Variants in ATP8B1 observed in about 807,000 individuals in gnomAD.
ATP8B1 encodes ATPase phospholipid transporting 8B1, also known as phospholipid-transporting ATPase IC.
A neutral mutation model predicts 149.9 loss-of-function variants in ATP8B1; 80 were observed. That is an observed-to-expected ratio of 0.53 (90% confidence interval 0.45 to 0.64). ATP8B1 has a LOEUF of 0.64. Ranked by LOEUF, ATP8B1 falls within the 30% of genes least tolerant of loss-of-function variation. The pLI, the probability that ATP8B1 is intolerant of heterozygous loss-of-function variation, is 0.00. For synonymous variants in ATP8B1, 536 were observed against 562.8 expected (o/e 0.95, Z 0.67); for missense variants, 1,247 against 1,552.6 (o/e 0.80, Z 3.31).
intron 27 of ATP8B1, among the ~76,000 whole-genome samples, 170 bp from the exon 28 acceptor site, chr18:57,648,882 G>GTGCGTGTGTGTA (rs1909393267): frequency 7.4e-6 from 1 of 134,668 alleles, no homozygotes; most frequent in Non-Finnish European, 1.6e-5. Flanking sequence ...GTGTGTGTGT[G>GTGCGTGTGTGTA]TGTGTATGTG....
chr18:57,673,497 C>T (rs1911392602), intron 16 of ATP8B1, among the ~76,000 whole-genome samples: 1 of 151,458 alleles, frequency 6.6e-6, no homozygotes, highest in Non-Finnish European at 1.5e-5. Flanking sequence ...ATTAGGCCTG[C>T]AATTTATTCT....
intron 16 of ATP8B1, among the ~76,000 whole-genome samples, chr18:57,673,694 A>G (rs979949744): frequency 2.6e-5 from 4 of 151,840 alleles, no homozygotes; most frequent in Middle Eastern, 3.4e-3. Flanking sequence ...ATCTATATAT[A>G]GAGATATGTA....
At chr18:57,713,188 T>C (rs151217014) in intron 2 of ATP8B1, among the ~76,000 whole-genome samples, 6,530 of 96,984 alleles carry the variant, frequency 0.067, 216 homozygotes, top group East Asian at 0.21. Context: ...TCTTTCTTTC[T>C]TTCTTTCTTT....
chr18:57,660,890 T>C (rs745508349), intron 22 of ATP8B1, among the ~76,000 whole-genome samples: 1 of 152,134 alleles, frequency 6.6e-6, no homozygotes, highest in Non-Finnish European at 1.5e-5. Context: ...ACAACATCTA[T>C]ATAAAAGAAT....
rs143359012 is a variant in ATP8B1, at chr18:57,726,183, G to A, written c.181+5444C>T. ...GTTGAGGTTGCAGTGAGCCAAGATT[G>A]TGCCACTGCACTTCAGCCTGGTGAC... On this transcript the variant is annotated intron_variant, in intron 2 of 27. Transcript: ENST00000648908. Among the ~76,000 whole-genome samples the A allele has an allele frequency of 1.6e-3, 236 of 152,206 alleles. 1 individual carries two copies. The highest frequency in any genetic ancestry group is 5.5e-3 in the African/African-American group (228 of 41,538).
chr18:57,774,249 C>T (rs2080287410), intron 1 of ATP8B1, among the ~76,000 whole-genome samples: 1 of 152,228 alleles, frequency 6.6e-6, no homozygotes, highest in Admixed American at 6.5e-5. Context: ...CCAGCCTTGC[C>T]AGTCCCCCTT....
chr18:57,718,103 T>TAAAAAAAAAAAAAAAAAAAAAAAAA (rs59629558), intron 2 of ATP8B1, among the ~76,000 whole-genome samples: 1 of 31,798 alleles, frequency 3.1e-5, no homozygotes, highest in African/African-American at 1.3e-4. Context: ...CTGGACTAAC[T>TAAAAAAAAAAAAAAAAAAAAAAAAA]AAAAAAAAAA....
chr18:57,731,405 T>C, intron 2 of ATP8B1: 1 of 454,212 alleles, frequency 2.2e-6, no homozygotes, highest in South Asian at 2.2e-5. Context: ...TAATGTATTT[T>C]CTCTGCAGAA....
chr18:57,720,682 A>T lies in ATP8B1; in HGVS notation c.181+10945T>A, dbSNP rs1402449823. Among the ~76,000 whole-genome samples the T allele has an allele frequency of 7.6e-3, 804 of 105,376 alleles. 14 individuals are homozygous for T. Among genetic ancestry groups the T allele is most frequent in the African/African-American group, 0.028 (760 of 26,894 alleles). The allele number at this position is 105,376 out of a possible 152,430, so 69.1% of individuals were successfully genotyped here. A position where few individuals can be genotyped will look rare whatever the true frequency, so the allele number is the denominator to read the frequency against. On this transcript the variant is annotated intron_variant, in intron 2 of 27. Transcript: ENST00000648908. ...GTTGGAAAACACTCTGCAGGATATT[A>T]TCCAGGAGAACTTCCCCAATCTAGC...
At chr18:57,664,738 C>T (rs1910750736) in intron 20 of ATP8B1, among the ~76,000 whole-genome samples, 1 of 152,026 alleles carries the variant, frequency 6.6e-6, no homozygotes, top group Admixed American at 6.6e-5. Flanking sequence ...GTGGAAGGGA[C>T]CTTAAATATC....
At chr18:57,791,017 C>T (rs984823778) in intron 1 of ATP8B1, among the ~76,000 whole-genome samples, 3 of 152,122 alleles carry the variant, frequency 2.0e-5, no homozygotes, top group Admixed American at 6.5e-5. Flanking sequence ...CCACCGCGTC[C>T]GGCCTTATTG....
At chr18:57,771,483 G>A (rs1249309309) in intron 1 of ATP8B1, among the ~76,000 whole-genome samples, 4 of 152,122 alleles carry the variant, frequency 2.6e-5, no homozygotes, top group Admixed American at 2.6e-4. Context: ...TTACGAAATG[G>A]TCTGAGATAA....
chr18:57,678,500 T>G (rs1476616426), intron 15 of ATP8B1, among the ~76,000 whole-genome samples: 2 of 148,106 alleles, frequency 1.4e-5, no homozygotes, highest in Non-Finnish European at 3.0e-5. Flanking sequence ...GGCAGGAGAA[T>G]CGCATAAACC....
At chr18:57,657,718 G>C (rs1411420279) in intron 22 of ATP8B1, among the ~76,000 whole-genome samples, 1 of 152,148 alleles carries the variant, frequency 6.6e-6, no homozygotes, top group African/African-American at 2.4e-5. Flanking sequence ...TTTCTTTCCT[G>C]AACAAGCCAC....
In ATP8B1 at chr18:57,660,877, T is replaced by A. The variant is rs970537217; in HGVS notation, c.2707+297A>T. On this transcript the variant is annotated intron_variant, in intron 22 of 27. Coordinates refer to ENST00000648908, the MANE Select transcript of ATP8B1 (RefSeq NM_001374385.1). Reference sequence around the variant, plus strand: ...AGAGAACCAGTAAGAGAGAAAAAAATACACAACATCTATATAAAAGAATAA... The same window carrying A: ...AGAGAACCAGTAAGAGAGAAAAAAAAACACAACATCTATATAAAAGAATAA... Among the ~76,000 whole-genome samples, 4 of 152,130 alleles carry A rather than the reference T, an allele frequency of 2.6e-5. No homozygotes were observed. The East Asian group carries it at 5.8e-4, about 22-fold the overall frequency.
rs117569865 is a variant in ATP8B1 at position 57,671,041 on chromosome 18, C to T, written c.1932+427G>A. ...AACCGCTTCTGCCATCTTGGCTAGA[C>T]AAGATGTGACCTATAGTCAGCTCTG... On this transcript the variant is annotated intron_variant, in intron 17 of 27. Coordinates refer to ENST00000648908, the MANE Select transcript of ATP8B1 (RefSeq NM_001374385.1). Among the ~76,000 whole-genome samples, 325 of 152,342 alleles carry T rather than the reference C, an allele frequency of 2.1e-3. 10 individuals carry two copies. In the East Asian group the frequency reaches 0.048, roughly 23 times the overall value.
intron 1 of ATP8B1, among the ~76,000 whole-genome samples, chr18:57,778,515 C>A (rs925313220): frequency 6.6e-6 from 1 of 152,174 alleles, no homozygotes; most frequent in African/African-American, 2.4e-5. Flanking sequence ...CAGGCATGAG[C>A]CACCGCGCCC....
intron 21 of ATP8B1, among the ~76,000 whole-genome samples, chr18:57,661,713 A>T (rs868353928): frequency 1.6e-3 from 145 of 92,672 alleles, no homozygotes; most frequent in Non-Finnish European, 2.0e-3. Context: ...ATATATATAT[A>T]TTTTTTTTTT....
intron 1 of ATP8B1, among the ~76,000 whole-genome samples, chr18:57,776,975 C>T (rs2080310721): frequency 6.6e-6 from 1 of 150,948 alleles, no homozygotes; most frequent in Admixed American, 6.6e-5. Context: ...CAACTGTTTT[C>T]TCAGGCTTTT....
Sources: gnomAD v4.1 joint callset for allele counts (sites outside exome capture counted in the v4.1 genomes callset) on GRCh38, gnomAD v4.1.1 for gene constraint, MANE v1.5 for transcripts, NCBI Gene and HGNC (gene_info 2026-07-23, HGNC 2026-07-21) for gene names.